Variants in LRP6 observed in about 807,000 individuals in gnomAD.
LRP6 encodes LDL receptor related protein 6.
Under a neutral mutation model 184.1 loss-of-function variants are expected in LRP6, and 43 were observed. That is an observed-to-expected ratio of 0.23 (90% CI 0.18 to 0.30). The LOEUF is 0.30. Ranked by LOEUF, LRP6 falls within the 10% of genes least tolerant of loss-of-function variation. LRP6 has a pLI of 1.00. For missense variants in LRP6, 1,571 were observed against 2,005.3 expected, an observed-to-expected ratio of 0.78 and a Z score of 4.14; for synonymous variants, 719 against 684.9, an observed-to-expected ratio of 1.05 and a Z score of -0.78.
At chr12:12,121,760 C>T (rs1830894052) in intron 22 of LRP6, among the ~76,000 whole-genome samples, 1 of 152,178 alleles carries the variant, frequency 6.6e-6, no homozygotes, top group African/African-American at 2.4e-5. Context: ...AGTTTCATAG[C>T]CCATGGGAAG....
intron 1 of LRP6, among the ~76,000 whole-genome samples, chr12:12,247,745 CAG>C (rs1169077960): frequency 6.6e-6 from 1 of 152,184 alleles, no homozygotes; most frequent in African/African-American, 2.4e-5. Context: ...ATCTACCAAA[CAG>C]ATACACTGGA....
intron 2 of LRP6, among the ~76,000 whole-genome samples, chr12:12,233,800 A>G (rs1399381252): frequency 2.0e-5 from 3 of 152,200 alleles, no homozygotes; most frequent in Admixed American, 2.0e-4. Context: ...GATGGAAAAT[A>G]AAGTATTTAC....
chr12:12,132,154 C>T (rs756271168), intron 17 of LRP6, 97 bp from the exon 18 acceptor site: 5 of 788,374 alleles, frequency 6.3e-6, no homozygotes, highest in Non-Finnish European at 1.1e-5. Context: ...TAATAATTAA[C>T]ATACACAAAA....
At position 12,159,840 on chromosome 12, in the gene LRP6, T is replaced by C. The variant is rs1862697026; in HGVS notation, c.2404A>G (p.Lys802Glu). 3.7e-6 allele frequency: 6 copies of C among 1,614,066 alleles called. No individual in the cohort carries two copies. The highest frequency in any genetic ancestry group is 2.2e-5 in the South Asian group (2 of 91,086). The change falls in exon 11 of 23, where the codon AAA becomes GAA. Residue 802 changes from lysine (K) to glutamate (E), a missense_variant. This residue lies in a region of LRP6 where 158 missense variants were observed against 258.4 expected (regional missense o/e 0.61). Coordinates refer to ENST00000261349, the MANE Select transcript of LRP6 (RefSeq NM_002336.3). The stretch of plus-strand genomic sequence containing the variant: ...AGGTCTGTCCAATAAAGCCTCCTTT[T>C]AGCATAATCAATAGTTAGGCCGTTT... The part of the protein sequence containing the change: ...RANGLTIDYA[K>E]RRLYWTDLDT...
At chr12:12,231,040 G>C (rs976108688) in intron 2 of LRP6, among the ~76,000 whole-genome samples, 1 of 151,810 alleles carries the variant, frequency 6.6e-6, no homozygotes, top group Non-Finnish European at 1.5e-5. Flanking sequence ...AATTAGCCGG[G>C]TGTGATGGCA....
chr12:12,184,323 G>A (rs559254051), intron 4 of LRP6, among the ~76,000 whole-genome samples: 1 of 152,226 alleles, frequency 6.6e-6, no homozygotes, highest in African/African-American at 2.4e-5. Context: ...AGTAAAGCAG[G>A]AGATCCCTGC....
At chr12:12,139,482 G>A (rs1341899960) in intron 15 of LRP6, among the ~76,000 whole-genome samples, 1 of 152,172 alleles carries the variant, frequency 6.6e-6, no homozygotes, top group African/African-American at 2.4e-5. Context: ...TCAGTAATCT[G>A]GGAGGCTGAG....
At chr12:12,211,724 G>A (rs927841386) in intron 2 of LRP6, among the ~76,000 whole-genome samples, 1 of 152,156 alleles carries the variant, frequency 6.6e-6, no homozygotes, top group South Asian at 2.1e-4. Flanking sequence ...TAAGCACCCA[G>A]TCTAGTCGAT....
chr12:12,153,328 A>C (rs1001454206), intron 12 of LRP6, among the ~76,000 whole-genome samples: 1 of 152,170 alleles, frequency 6.6e-6, no homozygotes, highest in African/African-American at 2.4e-5. Context: ...CTTCTGTTTA[A>C]AAGACTTAGA....
Position 12,119,846 on chromosome 12 carries a change from G to A in LRP6, c.*1280C>T, listed in dbSNP as rs186428247. On this transcript the variant is annotated 3_prime_UTR_variant, in exon 23 of 23. Coordinates refer to ENST00000261349, the MANE Select transcript of LRP6 (RefSeq NM_002336.3). ...GAGGTATGTATGTAGACATTATTCTGAGAAAAACCGGTCTAAAGAACATGA... is the reference window on the plus strand; with the variant it reads ...GAGGTATGTATGTAGACATTATTCTAAGAAAAACCGGTCTAAAGAACATGA... 6.6e-6 allele frequency: 1 copy of A among 151,200 alleles called. No individual in the cohort carries two copies. The highest frequency in any genetic ancestry group is 6.6e-5 in the Admixed American group (1 of 15,174). 9.4% of individuals were successfully genotyped at this position (151,200 alleles called of 1,614,324 possible).
At chr12:12,236,958 C>T (rs1864945279) in intron 2 of LRP6, among the ~76,000 whole-genome samples, 1 of 151,946 alleles carries the variant, frequency 6.6e-6, no homozygotes, top group Non-Finnish European at 1.5e-5. Context: ...TGATTATTAG[C>T]TCTATCTCCA....
chr12:12,187,222 A>G (rs1232422814), intron 3 of LRP6, 103 bp from the exon 4 acceptor site: 1 of 924,034 alleles, frequency 1.1e-6, no homozygotes, highest in Non-Finnish European at 1.7e-6. Context: ...ATTAACACAT[A>G]CAAATCTTGA....
intron 1 of LRP6, among the ~76,000 whole-genome samples, chr12:12,260,183 C>G (rs1461758353): frequency 6.6e-6 from 1 of 152,150 alleles, no homozygotes; most frequent in South Asian, 2.1e-4. Flanking sequence ...TGGAGACCAA[C>G]CTGGCTAACA....
intron 13 of LRP6, among the ~76,000 whole-genome samples, 192 bp downstream of exon 13, chr12:12,150,644 A>C (rs994547190): frequency 6.6e-6 from 1 of 152,198 alleles, no homozygotes; most frequent in African/African-American, 2.4e-5. Context: ...TTTTCATCAT[A>C]ATATCATCAT....
chr12:12,253,868 G>A (rs1360046124), intron 1 of LRP6, among the ~76,000 whole-genome samples: 1 of 152,150 alleles, frequency 6.6e-6, no homozygotes, highest in Non-Finnish European at 1.5e-5. Context: ...TATGGGCCAG[G>A]TGTGGTGGCT....
At chr12:12,211,966 C>G (rs759742607) in intron 2 of LRP6, among the ~76,000 whole-genome samples, 4 of 152,120 alleles carry the variant, frequency 2.6e-5, no homozygotes, top group Non-Finnish European at 5.9e-5. Flanking sequence ...TTGAGCGCCT[C>G]TAAGTTTAAT....
At chr12:12,259,078 A>G (rs1325325023) in intron 1 of LRP6, among the ~76,000 whole-genome samples, 3 of 152,168 alleles carry the variant, frequency 2.0e-5, no homozygotes, top group Non-Finnish European at 4.4e-5. Flanking sequence ...CCTGGCCAAC[A>G]TGGTGAAACC....
At chr12:12,223,633 T>C (rs1041180065) in intron 2 of LRP6, among the ~76,000 whole-genome samples, 1 of 152,218 alleles carries the variant, frequency 6.6e-6, no homozygotes, top group Non-Finnish European at 1.5e-5. Context: ...AAAATATTAA[T>C]TATACTTTTC....
intron 3 of LRP6, among the ~76,000 whole-genome samples, chr12:12,192,080 T>C (rs994532212): frequency 2.0e-5 from 3 of 151,966 alleles, no homozygotes; most frequent in Non-Finnish European, 2.9e-5. Flanking sequence ...TAAGATTGTA[T>C]AAAGCAATAA....
Sources: allele counts gnomAD v4.1 joint callset (sites outside exome capture counted in the v4.1 genomes callset), GRCh38; gene constraint gnomAD v4.1.1; regional missense constraint gnomAD v4.1.1; transcripts MANE v1.5; gene names NCBI Gene and HGNC (gene_info 2026-07-23, HGNC 2026-07-21).